ZNF318: variants seen among roughly 807,000 people sequenced by gnomAD.
ZNF318 encodes endocrine regulator.
A neutral mutation model predicts 124.2 loss-of-function variants in ZNF318; 51 were observed. That is an observed-to-expected ratio of 0.41 (90% CI 0.33 to 0.52). The LOEUF (loss-of-function observed/expected upper bound fraction) is 0.52, where lower values mean the gene tolerates loss of function less well. ZNF318 is among the 20% of genes least tolerant of loss of function. The pLI is 0.23. For synonymous variants in ZNF318, 1,090 were observed against 1,040.7 expected (o/e 1.05, Z -0.91); for missense variants, 2,815 against 2,811.2 (o/e 1.00, Z -0.03).
rs753805345 is a variant in ZNF318, at chr6:43,340,902, T to C, written c.3383A>G (p.Glu1128Gly). Residue 1128 changes from glutamate (E) to glycine (G), a missense_variant, in exon 9 of 10, where the codon GAG becomes GGG. Glu to Gly is a moderately conservative substitution (Grantham distance 98). This residue lies in a region of ZNF318 where 500 missense variants were observed against 605.2 expected (regional missense o/e 0.83). Transcript: ENST00000361428. ...AAATCCACTGATGGGAACCAGAAAC[T>C]CAGAGCCTGGAAGAAGTAGAAAAAA... ...DKITVPAKGS[E>G]FLVPISGFYC... 1 of 1,612,390 alleles carries C rather than the reference T, an allele frequency of 6.2e-7. No individual in the cohort carries two copies. The highest frequency in any genetic ancestry group is 8.5e-7 in the Non-Finnish European group (1 of 1,178,468).
rs976171019 is a variant in ZNF318, at chr6:43,354,927, G to A, written c.2407C>T (p.Pro803Ser). 6.2e-7 allele frequency: 1 copy of A among 1,611,112 alleles called. No individual in the cohort carries two copies. The highest frequency in any genetic ancestry group is 1.3e-5 in the African/African-American group (1 of 75,012). The change falls in exon 4 of 10, where the codon CCC becomes TCC. Residue 803 changes from proline (P) to serine (S), a missense_variant. This residue lies in a region of ZNF318 where 1,377 missense variants were observed against 1,353.5 expected (regional missense o/e 1.02). Coordinates refer to ENST00000361428, the MANE Select transcript of ZNF318 (RefSeq NM_014345.3). ...GACGGTTGAGAGGTGGGATACATGG[G>A]CCATCTGGAGGCTGCATATGCCATG... Reference protein sequence around the residue: ...HYMAYAASRWPMYPTSQPSNH... With the variant: ...HYMAYAASRWSMYPTSQPSNH...
At position 43,339,263 on chromosome 6, in the gene ZNF318, C is replaced by G. The variant is rs1158892460; in HGVS notation, c.4735G>C (p.Gly1579Arg). The G allele has an allele frequency of 5.6e-6, 9 of 1,613,656 alleles. No individual in the cohort carries two copies. Among genetic ancestry groups the G allele is most frequent in the Non-Finnish European group, 7.6e-6 (9 of 1,179,820 alleles). ...GGGGCCCCCTTAGTCTCAGGGGCCC[C>G]CTTTCCACCACTACTATAGAATATG... ...YDIFYSSGGK[G>R]APETKGAPET... Residue 1579 changes from glycine (G) to arginine (R), a missense_variant, in exon 10 of 10, where the codon GGG becomes CGG. Gly to Arg is a moderately radical substitution (Grantham distance 125). Coordinates refer to ENST00000361428, the MANE Select transcript of ZNF318 (RefSeq NM_014345.3). The surrounding 1 kb of genome is among the most constrained non-coding windows in gnomAD (Gnocchi z 4.2).
chr6:43,346,111 G>C (rs1309740988), intron 6 of ZNF318, among the ~76,000 whole-genome samples: 1 of 145,698 alleles, frequency 6.9e-6, no homozygotes, highest in Non-Finnish European at 1.5e-5. Context: ...TGAGGTAGGA[G>C]AATTGCCCAG....
Position 43,340,122 on chromosome 6 carries a change from G to T in ZNF318, c.3876C>A (p.Thr1292=). 1 of 1,614,076 alleles carries T rather than the reference G, an allele frequency of 6.2e-7. No homozygotes were observed. The highest frequency in any genetic ancestry group is 8.5e-7 in the Non-Finnish European group (1 of 1,180,020). Residue 1292 remains threonine (T), a synonymous_variant, in exon 10 of 10, where the codon ACC becomes ACA. Transcript: ENST00000361428. ...GAATCTCTTCTTTAGAGATACTTGGGGTCACCAATGAACTTTTCTCCTCTT... is the reference window on the plus strand; with the variant it reads ...GAATCTCTTCTTTAGAGATACTTGGTGTCACCAATGAACTTTTCTCCTCTT... The part of the protein sequence containing the change: ...EKEEEKSSLV[T]PSISKEEILE...
chr6:43,355,572 C>G lies in ZNF318; in HGVS notation c.1762G>C (p.Glu588Gln), dbSNP rs1779595115. 1.2e-6 allele frequency: 2 copies of G among 1,614,202 alleles called. No homozygotes were observed. The highest frequency in any genetic ancestry group is 1.7e-6 in the Non-Finnish European group (2 of 1,180,040). ...AGCAAGTCATGGATCTTCGCATATTCTGGATTGGTCTCTTCTAGTGATTCT... is the reference window on the plus strand; with the variant it reads ...AGCAAGTCATGGATCTTCGCATATTGTGGATTGGTCTCTTCTAGTGATTCT... ...KLESLEETNPEYAKIHDLLKT... is the reference protein window; with the variant it reads ...KLESLEETNPQYAKIHDLLKT... Residue 588 changes from glutamate to glutamine, a missense_variant, in exon 4 of 10, where the codon GAA (glutamate) becomes CAA (glutamine). By Grantham distance (29) the Glu-to-Gln change is conservative (BLOSUM62 2). Transcript: ENST00000361428.
intron 2 of ZNF318, among the ~76,000 whole-genome samples, chr6:43,360,118 C>A (rs1380848291): frequency 6.6e-6 from 1 of 152,134 alleles, no homozygotes; most frequent in Non-Finnish European, 1.5e-5. Flanking sequence ...ACATTCAGCT[C>A]CCCACCAGAA....
rs138673646 is a variant in ZNF318, at chr6:43,337,957, A to G, written c.6041T>C (p.Leu2014Pro). 5 of 1,614,206 alleles carry G rather than the reference A, an allele frequency of 3.1e-6. No individual in the cohort carries two copies. The highest frequency in any genetic ancestry group is 4.2e-6 in the Non-Finnish European group (5 of 1,180,028). ...TDLKVEELTA[L>P]GNLGDMPVDF... is the part of the protein sequence containing the mutation. Reference sequence around the variant, plus strand: ...AACAGGCATATCCCCCAGATTCCCCAGGGCAGTAAGCTCCTCTACCTTTAA... The same window carrying G: ...AACAGGCATATCCCCCAGATTCCCCGGGGCAGTAAGCTCCTCTACCTTTAA... Residue 2014 changes from leucine (L) to proline (P), a missense_variant, in exon 10 of 10, where the codon CTG (leucine) becomes CCG (proline). Physicochemically the swap from Leu to Pro is moderately conservative, Grantham distance 98. Coordinates refer to ENST00000361428, the MANE Select transcript of ZNF318 (RefSeq NM_014345.3).
intron 2 of ZNF318, among the ~76,000 whole-genome samples, chr6:43,359,570 T>C (rs949411967): frequency 5.9e-5 from 9 of 152,236 alleles, no homozygotes; most frequent in African/African-American, 1.7e-4. Flanking sequence ...ACTATTAGTG[T>C]CTTCTACAGT....
At chr6:43,340,567 C>T (rs1410531015) in intron 9 of ZNF318, 65 bp from the exon 10 acceptor site, 34 of 1,505,986 alleles carry the variant, frequency 2.3e-5, no homozygotes, top group Non-Finnish European at 2.9e-5. Flanking sequence ...ATCTTGGCCC[C>T]GCTACTGTTA....
intron 1 of ZNF318, 50 bp downstream of exon 1, chr6:43,368,917 G>T (rs183562419): frequency 2.3e-6 from 3 of 1,308,958 alleles, no homozygotes; most frequent in Non-Finnish European, 2.9e-6. Flanking sequence ...GGGAATTCCG[G>T]GGGAGGGGAC....
chr6:43,364,453 G>A (rs749469755), intron 2 of ZNF318, among the ~76,000 whole-genome samples: 3 of 151,560 alleles, frequency 2.0e-5, no homozygotes, highest in South Asian at 2.1e-4. Context: ...TCCCCCACCC[G>A]CCTAGCTATG....
chr6:43,342,179 T>G lies in ZNF318; in HGVS notation c.3309A>C (p.Ser1103=). The change falls in exon 8 of 10, where the codon TCA becomes TCC. Residue 1103 remains serine (S), a synonymous_variant. Coordinates refer to ENST00000361428, the MANE Select transcript of ZNF318 (RefSeq NM_014345.3). ...CTTGCTTGGCCTCACTCTGGGTCTT[T>G]GAAGCCCAAGGTCTGTTGTAGGGAT... The part of the protein sequence containing the change: ...TLDPYNRPWA[S]KTQSEAKQDA... The G allele has an allele frequency of 1.9e-6, 3 of 1,613,780 alleles. No homozygotes were observed. The highest frequency in any genetic ancestry group is 2.5e-6 in the Non-Finnish European group (3 of 1,179,810).
chr6:43,367,373 G>A (rs536823310), intron 1 of ZNF318, among the ~76,000 whole-genome samples: 1 of 152,156 alleles, frequency 6.6e-6, no homozygotes. Context: ...TAAAATGAGG[G>A]CTTAAAAATC....
chr6:43,365,219 TA>T, intron 2 of ZNF318, 72 bp downstream of exon 2: 2 of 1,509,610 alleles, frequency 1.3e-6, no homozygotes, highest in Non-Finnish European at 1.8e-6. Flanking sequence ...CTTTCAAATA[TA>T]TCATTCGGAA....
Position 43,338,099 on chromosome 6 carries a change from C to A in ZNF318, c.5899G>T (p.Glu1967Ter). The part of the protein sequence containing the change: ...AVWDENKKRP[E>*]TWESPEKPKT... ...GGTTTCTCTGGGCTCTCCCAGGTCT[C>A]TGGCCTCTTCTTGTTTTCATCCCAA... Residue 1967 changes from glutamate to a stop codon, truncating the protein, a stop_gained, in exon 10 of 10, where the codon GAG becomes TAG. Coordinates refer to ENST00000361428, the MANE Select transcript of ZNF318 (RefSeq NM_014345.3). LOFTEE classifies it low-confidence loss of function (END_TRUNC). 6.2e-7 allele frequency: 1 copy of A among 1,613,654 alleles called. No individual in the cohort carries two copies. The highest frequency in any genetic ancestry group is 8.5e-7 in the Non-Finnish European group (1 of 1,179,926).
chr6:43,346,741 C>G (rs1330577159), intron 6 of ZNF318, among the ~76,000 whole-genome samples: 1 of 151,934 alleles, frequency 6.6e-6, no homozygotes, highest in Non-Finnish European at 1.5e-5. Context: ...AAAGATTATT[C>G]CAGGCTAATA....
rs17287907 is a variant in ZNF318, at chr6:43,341,249, T to C, written c.3377-341A>G. 4.7e-3 allele frequency among the ~76,000 whole-genome samples: 721 copies of C among 152,322 alleles called. 6 individuals carry two copies. The highest frequency in any genetic ancestry group is 0.01 in the Middle Eastern group (3 of 294). On this transcript the variant is annotated intron_variant, in intron 8 of 9. Coordinates refer to ENST00000361428, the MANE Select transcript of ZNF318 (RefSeq NM_014345.3). ...AAAAACTATACTCCCAAATAGCCCA[T>C]TACCATTTTATGATGATCTCTCATG...
chr6:43,364,970 C>T (rs950357466), intron 2 of ZNF318, among the ~76,000 whole-genome samples: 1 of 152,228 alleles, frequency 6.6e-6, no homozygotes, highest in Non-Finnish European at 1.5e-5. Context: ...CATAGTTTCA[C>T]TGTTTTAGAA....
At chr6:43,353,432 T>C (rs1466059944) in intron 4 of ZNF318, among the ~76,000 whole-genome samples, 1 of 150,678 alleles carries the variant, frequency 6.6e-6, no homozygotes, top group Non-Finnish European at 1.5e-5. Flanking sequence ...TGGTGTGCAG[T>C]GGCATGATCT....
Sources: allele counts gnomAD v4.1 joint callset (sites outside exome capture counted in the v4.1 genomes callset), GRCh38; gene constraint gnomAD v4.1.1; regional missense constraint gnomAD v4.1.1; non-coding constraint Gnocchi (gnomAD v3.1); transcripts MANE v1.5; gene names NCBI Gene and HGNC (gene_info 2026-07-23, HGNC 2026-07-21).